Variants in CHODL observed in about 807,000 individuals in gnomAD.
CHODL encodes the protein chondrolectin.
CHODL carries 29 observed loss-of-function variants against 34.5 expected under a neutral mutation model. That is an observed-to-expected ratio of 0.84 (90% confidence interval 0.63 to 1.15). The LOEUF is 1.15. CHODL is among the 50% of genes most tolerant of loss of function. The pLI, the probability that CHODL is intolerant of heterozygous loss-of-function variation, is 0.00. For synonymous variants in CHODL, 125 were observed against 116.1 expected (o/e 1.08, Z -0.49); for missense variants, 332 against 332.5 (o/e 1.00, Z 0.01).
intron 2 of CHODL, among the ~76,000 whole-genome samples, chr21:18,174,161 A>ATATATAAATATATAT (rs2073276201): frequency 2.3e-5 from 2 of 85,668 alleles, no homozygotes; most frequent in African/African-American, 6.6e-5. Context: ...ATATATATAT[A>ATATATAAATATATAT]AAATCAAGTC....
Position 18,171,913 on chromosome 21 carries a change from G to A in CHODL, c.-44-84596G>A, listed in dbSNP as rs572252100. 9.9e-5 allele frequency among the ~76,000 whole-genome samples: 15 copies of A among 152,024 alleles called. No homozygotes were observed. In the East Asian group the frequency reaches 2.9e-3, roughly 29 times the overall value. On this transcript the variant is annotated intron_variant, in intron 2 of 6. Transcript: ENST00000400127. ...AGTATGTCTCCTTCCTTATTCCAAG[G>A]GACTCTTTAAGAGTGTTGGTGCATA...
intron 2 of CHODL, among the ~76,000 whole-genome samples, chr21:18,226,479 A>G (rs549958819): frequency 1.3e-5 from 2 of 152,164 alleles, no homozygotes; most frequent in Admixed American, 6.5e-5. Flanking sequence ...TTTTCTGTTC[A>G]GTAGAGACAG....
At chr21:18,196,535 G>A (rs1413418025) in intron 2 of CHODL, among the ~76,000 whole-genome samples, 2 of 152,074 alleles carry the variant, frequency 1.3e-5, no homozygotes, top group Non-Finnish European at 2.9e-5. Flanking sequence ...TTTGCGGGGA[G>A]GCGGAGGAAA....
At chr21:18,162,737 C>T (rs2073111489) in intron 2 of CHODL, among the ~76,000 whole-genome samples, 1 of 152,112 alleles carries the variant, frequency 6.6e-6, no homozygotes, top group African/African-American at 2.4e-5. Flanking sequence ...TCTGTGTCAT[C>T]TTCTTTGATT....
At chr21:18,035,587 A>G (rs1269840866) in intron 2 of CHODL, among the ~76,000 whole-genome samples, 2 of 151,910 alleles carry the variant, frequency 1.3e-5, no homozygotes, top group African/African-American at 4.8e-5. Flanking sequence ...TTTCATATAT[A>G]CTAGTCTACT....
chr21:18,012,367 G>T (rs2064027381), intron 1 of CHODL, among the ~76,000 whole-genome samples: 1 of 152,150 alleles, frequency 6.6e-6, no homozygotes, highest in Non-Finnish European at 1.5e-5. Context: ...ATTATTGCAA[G>T]AGCCTCTGAC....
intron 2 of CHODL, among the ~76,000 whole-genome samples, chr21:18,235,485 C>T (rs951720185): frequency 1.3e-5 from 2 of 151,868 alleles, no homozygotes; most frequent in African/African-American, 2.4e-5. Context: ...AACCTAAACC[C>T]CAGTTAACTC....
At chr21:18,014,911 A>C (rs566165976) in intron 1 of CHODL, among the ~76,000 whole-genome samples, 2 of 152,244 alleles carry the variant, frequency 1.3e-5, no homozygotes, top group Non-Finnish European at 2.9e-5. Context: ...ATTGGTACAC[A>C]GAGTGGGATG....
chr21:18,193,579 C>A (rs146642826), intron 2 of CHODL, among the ~76,000 whole-genome samples: 3 of 151,462 alleles, frequency 2.0e-5, no homozygotes, highest in Non-Finnish European at 4.4e-5. Context: ...GCCTGTAATC[C>A]CAGCTACTTG....
chr21:17,962,035 G>T (rs28641156), intron 1 of CHODL, among the ~76,000 whole-genome samples: 1,567 of 152,138 alleles, frequency 0.01, 19 homozygotes, highest in African/African-American at 0.035. Flanking sequence ...CCTTGTCCTG[G>T]GTAGATCAGA....
chr21:18,115,673 G>C (rs958696962), intron 2 of CHODL, among the ~76,000 whole-genome samples: 1 of 152,260 alleles, frequency 6.6e-6, no homozygotes, highest in Non-Finnish European at 1.5e-5. Context: ...CGTTTTCACT[G>C]TGCACTTAAT....
At chr21:18,121,530 T>C (rs1369388900) in intron 2 of CHODL, among the ~76,000 whole-genome samples, 1 of 146,652 alleles carries the variant, frequency 6.8e-6, no homozygotes, top group East Asian at 2.0e-4. Context: ...TTCTTGTTCT[T>C]CAAATCTCCT....
Position 17,970,623 on chromosome 21 carries a change from TG to T in CHODL, c.-145+53225del, listed in dbSNP as rs2063607064. Among the ~76,000 whole-genome samples the T allele has an allele frequency of 3.3e-5, 5 of 152,330 alleles. No homozygotes were observed. In the South Asian group the frequency reaches 1.0e-3, roughly 32 times the overall value. ...ATTTTTTTTTATTTTAATAGGTTTT[TG>T]GTGAACTAGTGGTATTTGGTTGCAT... is the stretch of plus-strand genomic sequence containing the variant. On this transcript the variant is annotated intron_variant, in intron 1 of 6. Transcript: ENST00000400127.
At chr21:18,188,098 TA>T (rs1248205972) in intron 2 of CHODL, among the ~76,000 whole-genome samples, 1 of 151,660 alleles carries the variant, frequency 6.6e-6, no homozygotes, top group Non-Finnish European at 1.5e-5. Context: ...CAGCCTTTAT[TA>T]AAATTGATCA....
chr21:18,249,073 TAA>T (rs1491323920), intron 1 of CHODL, among the ~76,000 whole-genome samples: 2 of 122,938 alleles, frequency 1.6e-5, no homozygotes, highest in Non-Finnish European at 3.2e-5. Context: ...TTACTATATA[TAA>T]TATATATATA....
rs2074123592 is a variant in CHODL at position 18,245,205 on chromosome 21, C to G, written c.-19C>G. On this transcript the variant is annotated 5_prime_UTR_variant, in exon 1 of 6. Transcript: ENST00000299295. Reference sequence around the variant, plus strand: ...CCGCCCTCGCTCCACGCAACACCTGCTGCTGCCACCGCGCCGCGATGAGCC... The same window carrying G: ...CCGCCCTCGCTCCACGCAACACCTGGTGCTGCCACCGCGCCGCGATGAGCC... 6.6e-7 allele frequency: 1 copy of G among 1,518,246 alleles called. No individual in the cohort carries two copies. Among genetic ancestry groups the G allele is most frequent in the African/African-American group, 1.4e-5 (1 of 70,164 alleles). 94.0% of individuals were successfully genotyped at this position (1,518,246 alleles called of 1,614,324 possible). A position where few individuals can be genotyped will look rare whatever the true frequency, so the allele number is the denominator to read the frequency against.
intron 2 of CHODL, among the ~76,000 whole-genome samples, chr21:18,226,199 A>G (rs2146747415): frequency 6.6e-6 from 1 of 152,328 alleles, no homozygotes; most frequent in East Asian, 1.9e-4. Context: ...TTTCCTTCAC[A>G]CTTGGGAGGA....
At chr21:18,074,847 G>A (rs2064846046) in intron 2 of CHODL, among the ~76,000 whole-genome samples, 1 of 152,136 alleles carries the variant, frequency 6.6e-6, no homozygotes, top group Non-Finnish European at 1.5e-5. Flanking sequence ...AAGAAAAGGA[G>A]AGAGATTTGA....
At chr21:17,934,430 A>ACTCTCTCT (rs71189569) in intron 1 of CHODL, among the ~76,000 whole-genome samples, 2 of 146,948 alleles carry the variant, frequency 1.4e-5, no homozygotes, top group African/African-American at 2.5e-5. Flanking sequence ...TCTGTCTTTC[A>ACTCTCTCT]CTCTCTCTCT....
Sources: gnomAD v4.1 joint callset for allele counts (sites outside exome capture counted in the v4.1 genomes callset) on GRCh38, gnomAD v4.1.1 for gene constraint, MANE v1.5 for transcripts, NCBI Gene and HGNC (gene_info 2026-07-23, HGNC 2026-07-21) for gene names.